Variants in LRMDA observed in about 807,000 individuals in gnomAD.
The protein encoded by LRMDA is leucine rich melanocyte differentiation associated.
Under a neutral mutation model 29.8 loss-of-function variants are expected in LRMDA, and 18 were observed. That is an observed-to-expected ratio of 0.60 (90% confidence interval 0.42 to 0.90). The LOEUF (loss-of-function observed/expected upper bound fraction) is 0.90. Ranked by LOEUF, LRMDA falls within the 40% of genes least tolerant of loss-of-function variation. The pLI is 0.00. For missense variants in LRMDA, 273 were observed against 273.9 expected (o/e 1.00, Z 0.02); for synonymous variants, 125 against 109.4 (o/e 1.14, Z -0.89).
chr10:76,509,951 G>A (rs1329718034), intron 6 of LRMDA, among the ~76,000 whole-genome samples: 1 of 152,202 alleles, frequency 6.6e-6, no homozygotes, highest in Non-Finnish European at 1.5e-5. Context: ...CAAAGCTGAG[G>A]TTTAAAACTA....
chr10:75,912,621 A>C (rs2132378525), intron 2 of LRMDA, among the ~76,000 whole-genome samples: 1 of 152,240 alleles, frequency 6.6e-6, no homozygotes, highest in South Asian at 2.1e-4. Flanking sequence ...AGGGGAGGTG[A>C]GGATGAGGGA....
At chr10:76,235,725 G>C (rs1405912385) in intron 5 of LRMDA, among the ~76,000 whole-genome samples, 1 of 152,278 alleles carries the variant, frequency 6.6e-6, no homozygotes, top group African/African-American at 2.4e-5. Flanking sequence ...GGGCTGGCAG[G>C]GACATGAGTT....
intron 6 of LRMDA, among the ~76,000 whole-genome samples, chr10:76,513,532 GGAC>G (rs1843029604): frequency 6.6e-6 from 1 of 152,028 alleles, no homozygotes; most frequent in South Asian, 2.1e-4. Flanking sequence ...TCAAGCTGAG[GGAC>G]CTCTCCCATG....
At chr10:76,203,506 G>A (rs1851470715) in intron 5 of LRMDA, among the ~76,000 whole-genome samples, 1 of 152,076 alleles carries the variant, frequency 6.6e-6, no homozygotes, top group Non-Finnish European at 1.5e-5. Context: ...TTAATTTTTG[G>A]TTATAAATTT....
chr10:75,482,458 A>G (rs1321505314), intron 2 of LRMDA, among the ~76,000 whole-genome samples: 1 of 152,228 alleles, frequency 6.6e-6, no homozygotes, highest in Non-Finnish European at 1.5e-5. Flanking sequence ...TTGGCAGTAG[A>G]TGGCTGATTC....
intron 2 of LRMDA, among the ~76,000 whole-genome samples, chr10:75,780,624 G>C (rs1843369834): frequency 6.6e-6 from 1 of 152,166 alleles, no homozygotes; most frequent in South Asian, 2.1e-4. Flanking sequence ...AAAAAAGCAA[G>C]AACCCACCCC....
At chr10:76,233,359 C>A (rs925383194) in intron 5 of LRMDA, among the ~76,000 whole-genome samples, 1 of 152,130 alleles carries the variant, frequency 6.6e-6, no homozygotes, top group Non-Finnish European at 1.5e-5. Flanking sequence ...TAACTATCTG[C>A]ATTTTCAGTT....
intron 2 of LRMDA, among the ~76,000 whole-genome samples, chr10:75,681,175 G>C (rs1233347609): frequency 6.6e-6 from 1 of 152,162 alleles, no homozygotes; most frequent in Non-Finnish European, 1.5e-5. Flanking sequence ...CTTATTTTGT[G>C]TTAATTTCCT....
chr10:76,257,813 G>A (rs186660920), intron 5 of LRMDA, among the ~76,000 whole-genome samples: 1 of 152,302 alleles, frequency 6.6e-6, no homozygotes, highest in Admixed American at 6.5e-5. Context: ...TTGGCTGGGT[G>A]CTTCTTATCT....
intron 2 of LRMDA, among the ~76,000 whole-genome samples, chr10:75,580,926 G>T (rs1187783365): frequency 6.6e-6 from 1 of 152,166 alleles, no homozygotes; most frequent in East Asian, 1.9e-4. Flanking sequence ...ACTCAAGTTG[G>T]ATTAAAGACT....
At chr10:75,783,666 CT>C (rs1843423144) in intron 2 of LRMDA, among the ~76,000 whole-genome samples, 1 of 152,096 alleles carries the variant, frequency 6.6e-6, no homozygotes. Context: ...CTTTTTGAGT[CT>C]GTTTCTTTGT....
At position 76,179,560 on chromosome 10, in the gene LRMDA, C is replaced by T. The variant is rs565571757; in HGVS notation, c.516+120777C>T. Among the ~76,000 whole-genome samples the T allele has an allele frequency of 4.6e-5, 7 of 152,152 alleles. No individual in the cohort carries two copies. The South Asian group carries it at 6.2e-4, about 14-fold the overall frequency. Reference sequence around the variant, plus strand: ...TTTGAAGAACCCAGGACTGTCTTGTCGGTAAGAAAGAAAATGCTTCAAGGG... The same window carrying T: ...TTTGAAGAACCCAGGACTGTCTTGTTGGTAAGAAAGAAAATGCTTCAAGGG... On this transcript the variant is annotated intron_variant, in intron 5 of 6. Transcript: ENST00000611255.
intron 2 of LRMDA, among the ~76,000 whole-genome samples, chr10:75,604,019 A>G (rs906728930): frequency 4.6e-5 from 7 of 152,142 alleles, no homozygotes; most frequent in African/African-American, 1.7e-4. Context: ...CTTGGGTTCT[A>G]GCCTTTCCCC....
At chr10:75,620,110 G>A (rs976943455) in intron 2 of LRMDA, among the ~76,000 whole-genome samples, 1 of 152,116 alleles carries the variant, frequency 6.6e-6, no homozygotes, top group Admixed American at 6.6e-5. Flanking sequence ...CACAGCCTGA[G>A]AGTGCACACT....
chr10:75,963,138 AT>A (rs2132430918), intron 2 of LRMDA, among the ~76,000 whole-genome samples: 1 of 152,340 alleles, frequency 6.6e-6, no homozygotes, highest in South Asian at 2.1e-4. Context: ...CCTTCAGACT[AT>A]TAAAATTTTA....
intron 6 of LRMDA, among the ~76,000 whole-genome samples, chr10:76,530,847 A>G (rs111851362): frequency 6.6e-6 from 1 of 152,200 alleles, no homozygotes; most frequent in South Asian, 2.1e-4. Context: ...AAGGTGATCA[A>G]ATAAATAACT....
intron 5 of LRMDA, 51 bp from the exon 6 acceptor site, chr10:76,324,350 G>A (rs1339771641): frequency 6.8e-7 from 1 of 1,462,070 alleles, no homozygotes; most frequent in Admixed American, 1.7e-5. Context: ...GAGGGTATTT[G>A]GTATTTGGTG....
rs186034229 is a variant in LRMDA, at chr10:76,107,432, T to C, written c.516+48649T>C. On this transcript the variant is annotated intron_variant, in intron 5 of 6. Coordinates refer to ENST00000611255, the MANE Select transcript of LRMDA (RefSeq NM_001305581.2). The stretch of plus-strand genomic sequence containing the variant: ...TGTTCTTGTGTTCTCTCCTACTTAG[T>C]CTTGGCCTCAGTCCTCCTACTTAAG... Among the ~76,000 whole-genome samples, 7 of 152,300 alleles carry C rather than the reference T, an allele frequency of 4.6e-5. No homozygotes were observed. The East Asian group carries it at 1.2e-3, about 25-fold the overall frequency.
intron 2 of LRMDA, chr10:75,883,415 A>G (rs1219550027): frequency 6.6e-6 from 1 of 152,342 alleles, no homozygotes; most frequent in East Asian, 1.9e-4. Context: ...CCTATGCTCA[A>G]CAGCACACCC....
Sources: allele counts gnomAD v4.1 joint callset (sites outside exome capture counted in the v4.1 genomes callset), GRCh38; gene constraint gnomAD v4.1.1; transcripts MANE v1.5; gene names NCBI Gene and HGNC (gene_info 2026-07-23, HGNC 2026-07-21).